Variants in SCAMP1 observed in about 807,000 individuals in gnomAD.
SCAMP1 encodes secretory carrier-associated membrane protein 1.
A neutral mutation model predicts 41.8 loss-of-function variants in SCAMP1; 15 were observed. The observed-to-expected ratio is 0.36, with a 90% CI of 0.24 to 0.55. The LOEUF is 0.55. Among genes scored for constraint, SCAMP1 ranks in the 20% least tolerant of loss-of-function variants. The pLI is 0.86. For missense variants in SCAMP1, 341 were observed against 412.6 expected, an observed-to-expected ratio of 0.83 and a Z score of 1.50; for synonymous variants, 135 against 136.8, an observed-to-expected ratio of 0.99 and a Z score of 0.09.
intron 6 of SCAMP1, among the ~76,000 whole-genome samples, chr5:78,437,340 G>A (rs1752783963): frequency 6.6e-6 from 1 of 152,192 alleles, no homozygotes; most frequent in South Asian, 2.1e-4. Flanking sequence ...TATGATATTG[G>A]CTGTGGGTTT....
chr5:78,459,460 A>G (rs1753527387), intron 8 of SCAMP1, 98 bp downstream of exon 8: 2 of 646,124 alleles, frequency 3.1e-6, no homozygotes, highest in Non-Finnish European at 5.5e-6. Context: ...AAGCCATTTT[A>G]TCGTTATTGT....
chr5:78,425,497 A>G (rs1221610360), intron 6 of SCAMP1, among the ~76,000 whole-genome samples: 4 of 152,172 alleles, frequency 2.6e-5, no homozygotes, highest in Non-Finnish European at 5.9e-5. Flanking sequence ...TGTAGAGAAT[A>G]TTTTTAAAAG....
intron 6 of SCAMP1, among the ~76,000 whole-genome samples, chr5:78,441,437 T>TA (rs1436498506): frequency 6.6e-6 from 1 of 152,190 alleles, no homozygotes; most frequent in East Asian, 1.9e-4. Context: ...AGTATATGAT[T>TA]AAAATAGTTA....
chr5:78,412,679 CTT>C (rs1173964900), intron 2 of SCAMP1, among the ~76,000 whole-genome samples: 4 of 152,108 alleles, frequency 2.6e-5, no homozygotes, highest in Admixed American at 1.3e-4. Flanking sequence ...TGTTACACCT[CTT>C]TTCACATGTT....
At chr5:78,362,237 A>G (rs1181962923) in intron 1 of SCAMP1, among the ~76,000 whole-genome samples, 1 of 152,260 alleles carries the variant, frequency 6.6e-6, no homozygotes, top group East Asian at 1.9e-4. Flanking sequence ...TGAAGATAAA[A>G]CATCAAGAAC....
chr5:78,413,214 C>G (rs1255094289), intron 2 of SCAMP1, among the ~76,000 whole-genome samples: 1 of 151,896 alleles, frequency 6.6e-6, no homozygotes, highest in Non-Finnish European at 1.5e-5. Context: ...TGTTTCTTCA[C>G]TGTTTTGTAG....
chr5:78,475,951 C>G lies in SCAMP1; in HGVS notation c.*283C>G, dbSNP rs1753993889. ...AGTGAATTATTTCAGTGGTGACCCA[C>G]TGAAAATTAATAATGGTACTTATGA... On this transcript the variant is annotated 3_prime_UTR_variant, in exon 9 of 9. Transcript: ENST00000621999. 5.3e-6 allele frequency: 1 copy of G among 187,744 alleles called. No homozygotes were observed. The highest frequency in any genetic ancestry group is 6.0e-5 in the Admixed American group (1 of 16,792). The allele number at this position is 187,744 out of a possible 1,614,324, so 11.6% of individuals were successfully genotyped here.
intron 8 of SCAMP1, among the ~76,000 whole-genome samples, chr5:78,468,085 A>G (rs929772594): frequency 2.0e-5 from 3 of 152,116 alleles, no homozygotes; most frequent in African/African-American, 7.2e-5. Flanking sequence ...ATTGAAGTGA[A>G]TAGGATTTTG....
chr5:78,429,886 T>C (rs561412037), intron 6 of SCAMP1, among the ~76,000 whole-genome samples: 120 of 152,080 alleles, frequency 7.9e-4, no homozygotes, highest in African/African-American at 2.8e-3. Context: ...TTTGCTGCTA[T>C]GGAGAATAAA....
chr5:78,425,920 A>G (rs1474543113), intron 6 of SCAMP1, among the ~76,000 whole-genome samples: 1 of 151,554 alleles, frequency 6.6e-6, no homozygotes. Context: ...TGCATTAGGT[A>G]TTTGTCCTAA....
intron 6 of SCAMP1, among the ~76,000 whole-genome samples, chr5:78,434,912 G>A (rs1019452973): frequency 6.6e-6 from 1 of 152,114 alleles, no homozygotes; most frequent in Non-Finnish European, 1.5e-5. Context: ...AATCATTTCT[G>A]GATTCTGGAT....
Position 78,461,416 on chromosome 5 carries a change from A to G in SCAMP1, c.852+2054A>G, listed in dbSNP as rs190254227. Among the ~76,000 whole-genome samples the G allele has an allele frequency of 3.8e-3, 577 of 152,280 alleles. 7 individuals are homozygous for G. Among genetic ancestry groups the G allele is most frequent in the Middle Eastern group, 6.8e-3 (2 of 294 alleles). ...GTGGCTAGCCAGTTTACCCAGCACC[A>G]TTTATTGAATAGGGTGTCCTTTCCC... On this transcript the variant is annotated intron_variant, in intron 8 of 8. Transcript: ENST00000621999.
rs1202884028 is a variant in SCAMP1 at position 78,459,305 on chromosome 5, A to G, written c.795A>G (p.Ile265Met). ...ATATTCCTGTTGGAATCATGATGAT[A>G]ATCATAGCAGCACTTTTCACAGCAT... ...NQNIPVGIMM[I>M]IIAALFTASA... The change falls in exon 8 of 9, where the codon ATA becomes ATG. Residue 265 changes from isoleucine (I) to methionine (M), a missense_variant. Physicochemically the swap from Ile to Met is conservative, Grantham distance 10. Transcript: ENST00000621999. The G allele has an allele frequency of 6.2e-7, 1 of 1,609,078 alleles. No individual in the cohort carries two copies. The highest frequency in any genetic ancestry group is 8.5e-7 in the Non-Finnish European group (1 of 1,176,082).
chr5:78,413,789 C>T (rs1400888478), intron 2 of SCAMP1, among the ~76,000 whole-genome samples: 2 of 152,110 alleles, frequency 1.3e-5, no homozygotes, highest in African/African-American at 4.8e-5. Flanking sequence ...TGCGTGGCTT[C>T]CTTTTCAGGG....
At chr5:78,384,920 G>T (rs1318364599) in intron 1 of SCAMP1, among the ~76,000 whole-genome samples, 6 of 151,944 alleles carry the variant, frequency 3.9e-5, no homozygotes, top group Admixed American at 6.5e-5. Context: ...TTCTTTTTTT[G>T]TTATGTCCTT....
At chr5:78,460,794 T>TTCCTTTGGTTTCTTTTC (rs1561287119) in intron 8 of SCAMP1, among the ~76,000 whole-genome samples, 10 of 50,054 alleles carry the variant, frequency 2.0e-4, no homozygotes, top group African/African-American at 1.0e-3. Flanking sequence ...CCTTCCTTCC[T>TTCCTTTGGTTTCTTTTC]TCCTTCCTTC....
Position 78,479,738 on chromosome 5 carries a change from A to C in SCAMP1, c.*4070A>C, listed in dbSNP as rs1754090324. 6.6e-6 allele frequency among the ~76,000 whole-genome samples: 1 copy of C among 152,234 alleles called. No homozygotes were observed. Among genetic ancestry groups the C allele is most frequent in the Non-Finnish European group, 1.5e-5 (1 of 68,044 alleles). ...TTTAACTTTGGGGTTTGGGTAAGAC[A>C]AACATTTAATGTATAGGATTTTGGC... On this transcript the variant is annotated 3_prime_UTR_variant, in exon 9 of 9. Coordinates refer to ENST00000621999, the MANE Select transcript of SCAMP1 (RefSeq NM_004866.6).
At chr5:78,434,353 G>T (rs1224082994) in intron 6 of SCAMP1, among the ~76,000 whole-genome samples, 1 of 152,182 alleles carries the variant, frequency 6.6e-6, no homozygotes, top group Non-Finnish European at 1.5e-5. Context: ...TTTGATGGGT[G>T]TTAAGCTGTG....
chr5:78,414,427 C>T (rs925206165), intron 2 of SCAMP1, among the ~76,000 whole-genome samples: 13 of 151,792 alleles, frequency 8.6e-5, no homozygotes, highest in African/African-American at 2.7e-4. Flanking sequence ...GGACTGCAGG[C>T]GCCCGCCGCC....
Sources: gnomAD v4.1 joint callset for allele counts (sites outside exome capture counted in the v4.1 genomes callset) on GRCh38, gnomAD v4.1.1 for gene constraint, MANE v1.5 for transcripts, NCBI Gene and HGNC (gene_info 2026-07-23, HGNC 2026-07-21) for gene names.